ATXN7: variants seen among roughly 807,000 people sequenced by gnomAD.
The protein encoded by ATXN7 is ataxin 7, also known as ataxin-7.
A neutral mutation model predicts 70.5 loss-of-function variants in ATXN7; 12 were observed. The ratio of observed to expected loss-of-function variants is 0.17; its 90% confidence interval spans 0.11 to 0.28. ATXN7 has a LOEUF of 0.28. Among genes scored for constraint, ATXN7 ranks in the 10% least tolerant of loss-of-function variants. The pLI is 1.00. For synonymous variants in ATXN7, 498 were observed against 448.7 expected (o/e 1.11, Z -1.39); for missense variants, 1,256 against 1,131.7 (o/e 1.11, Z -1.58).
rs961389257 is a variant in ATXN7, at chr3:64,001,878, C to T, written c.*2411C>T. 1.3e-5 allele frequency: 2 copies of T among 151,802 alleles called. No homozygotes were observed. The highest frequency in any genetic ancestry group is 4.8e-5 in the African/African-American group (2 of 41,314). 9.4% of individuals were successfully genotyped at this position (151,802 alleles called of 1,614,324 possible). A position where few individuals can be genotyped will look rare whatever the true frequency, so the allele number is the denominator to read the frequency against. ...TATTTTTTTGAATTAAATTAACTTG[C>T]AAAAACCAAATTTGCAGTGGTTGGG... is the stretch of plus-strand genomic sequence containing the variant. On this transcript the variant is annotated 3_prime_UTR_variant, in exon 13 of 13. Coordinates refer to ENST00000674280, the MANE Select transcript of ATXN7 (RefSeq NM_001377405.1).
chr3:63,965,396 T>G (rs913924554), intron 5 of ATXN7, among the ~76,000 whole-genome samples: 1 of 152,140 alleles, frequency 6.6e-6, no homozygotes, highest in African/African-American at 2.4e-5. Context: ...AAACCTTGAG[T>G]GTTCCTCCTA....
At chr3:63,987,706 A>G (rs868672789) in intron 8 of ATXN7, among the ~76,000 whole-genome samples, 8 of 152,188 alleles carry the variant, frequency 5.3e-5, no homozygotes, top group Non-Finnish European at 7.3e-5. Flanking sequence ...TGGAGTCAAT[A>G]AGAGCCCCCA....
chr3:63,995,904 T>A lies in ATXN7; in HGVS notation c.2082T>A (p.Asn694Lys). 6.2e-7 allele frequency: 1 copy of A among 1,614,214 alleles called. No individual in the cohort carries two copies. Among genetic ancestry groups the A allele is most frequent in the South Asian group, 1.1e-5 (1 of 91,088 alleles). Residue 694 changes from asparagine to lysine, a missense_variant, in exon 12 of 13, where the codon AAT becomes AAA. By Grantham distance (94) the Asn-to-Lys change is moderately conservative (BLOSUM62 0). Transcript: ENST00000674280. ...CTGGTAACAGCACTAACTGTCAAAA[T>A]GCCAGTAGCAGTACCAGTGGCGGCT... ...ESSGNSTNCQ[N>K]ASSSTSGGSG...
chr3:63,998,885 G>C (rs1443346697), intron 12 of ATXN7: 1 of 188,364 alleles, frequency 5.3e-6, no homozygotes, highest in South Asian at 1.8e-4. Flanking sequence ...CTAAACAAGG[G>C]GATGAAGAGT....
chr3:63,897,463 C>T (rs1393084915), intron 1 of ATXN7, among the ~76,000 whole-genome samples: 1 of 152,164 alleles, frequency 6.6e-6, no homozygotes. Flanking sequence ...ATTTCAGCCA[C>T]TGATTTTCAG....
intron 2 of ATXN7, among the ~76,000 whole-genome samples, chr3:63,908,285 C>T (rs1194800736): frequency 1.3e-5 from 2 of 152,180 alleles, no homozygotes; most frequent in African/African-American, 4.8e-5. Context: ...CTGTAAGGTA[C>T]TTCACTAGAG....
chr3:63,979,826 G>C, intron 5 of ATXN7, 89 bp from the exon 6 acceptor site: 4 of 1,564,972 alleles, frequency 2.6e-6, no homozygotes, highest in Non-Finnish European at 2.6e-6. Context: ...GTTTTAACCT[G>C]AATATATTGA....
rs542950586 is a variant in ATXN7, at chr3:63,864,134, C to T, written c.-135C>T. 4.3e-3 allele frequency among the ~76,000 whole-genome samples: 643 copies of T among 149,172 alleles called. 4 individuals carry two copies. The highest frequency in any genetic ancestry group is 0.015 in the African/African-American group (613 of 41,112). ...CGCCCGGCCCACGCCCAGAGGCCGCCCCGGAGGCCGCAGCCAGCCGCCAGG... is the reference window on the plus strand; with the variant it reads ...CGCCCGGCCCACGCCCAGAGGCCGCTCCGGAGGCCGCAGCCAGCCGCCAGG... On this transcript the variant is annotated 5_prime_UTR_variant, in exon 1 of 13. Transcript: ENST00000674280.
intron 1 of ATXN7, among the ~76,000 whole-genome samples, chr3:63,870,535 T>C (rs962541896): frequency 1.3e-5 from 2 of 152,254 alleles, no homozygotes; most frequent in Non-Finnish European, 2.9e-5. Flanking sequence ...ATTAGTCATA[T>C]TGTGTGGCCG....
Position 63,999,779 on chromosome 3 carries a change from C to T in ATXN7, c.*312C>T. On this transcript the variant is annotated 3_prime_UTR_variant, in exon 13 of 13. Coordinates refer to ENST00000674280, the MANE Select transcript of ATXN7 (RefSeq NM_001377405.1). ...TGTTTTTGTTTTGTTTTTTAACTTG[C>T]AGTATATCACAGAGCCACTCTTCAA... 1 of 530,400 alleles carries T rather than the reference C, an allele frequency of 1.9e-6. No homozygotes were observed. The highest frequency in any genetic ancestry group is 3.4e-6 in the Non-Finnish European group (1 of 295,358). The allele number at this position is 530,400 out of a possible 1,614,324, so 32.9% of individuals were successfully genotyped here.
At chr3:63,873,060 AT>A (rs1702643401) in intron 1 of ATXN7, among the ~76,000 whole-genome samples, 1 of 152,060 alleles carries the variant, frequency 6.6e-6, no homozygotes, top group African/African-American at 2.4e-5. Context: ...AAATCTCAAA[AT>A]CCATTATCTT....
intron 1 of ATXN7, among the ~76,000 whole-genome samples, chr3:63,865,867 C>T (rs796699434): frequency 8.0e-6 from 1 of 124,564 alleles, no homozygotes; most frequent in East Asian, 2.5e-4. Context: ...TGCACTCCAG[C>T]CTGGGCGACA....
chr3:63,885,670 C>G (rs1703064817), intron 1 of ATXN7, among the ~76,000 whole-genome samples: 1 of 152,046 alleles, frequency 6.6e-6, no homozygotes, highest in Non-Finnish European at 1.5e-5. Context: ...TTCACAATAG[C>G]CAAGATATGG....
At chr3:63,908,417 C>T (rs1703911536) in intron 2 of ATXN7, among the ~76,000 whole-genome samples, 2 of 152,316 alleles carry the variant, frequency 1.3e-5, no homozygotes, top group African/African-American at 2.4e-5. Context: ...AACAAAGGCT[C>T]AGCCAATTTT....
intron 4 of ATXN7, among the ~76,000 whole-genome samples, chr3:63,945,087 C>T (rs1420597216): frequency 1.3e-5 from 2 of 152,128 alleles, no homozygotes; most frequent in Non-Finnish European, 2.9e-5. Flanking sequence ...CCACCGCACC[C>T]AACCTGTGTT....
intron 4 of ATXN7, among the ~76,000 whole-genome samples, chr3:63,926,875 C>T (rs969203309): frequency 6.6e-6 from 1 of 152,072 alleles, no homozygotes. Flanking sequence ...TCCATGTGTT[C>T]TCATTGTTCA....
chr3:63,899,686 T>A (rs572684995), intron 2 of ATXN7, among the ~76,000 whole-genome samples: 121 of 152,138 alleles, frequency 8.0e-4, no homozygotes, highest in African/African-American at 2.8e-3. Context: ...CCATCTCGGC[T>A]CACTGCAAGC....
chr3:63,983,082 C>CCA, intron 8 of ATXN7, 61 bp downstream of exon 8: 2 of 1,245,976 alleles, frequency 1.6e-6, no homozygotes, highest in Non-Finnish European at 2.4e-6. Context: ...CTGGGATGTA[C>CCA]CACACTACTC....
chr3:63,924,991 A>AGT (rs1206341840), intron 4 of ATXN7, among the ~76,000 whole-genome samples: 4 of 152,218 alleles, frequency 2.6e-5, no homozygotes, highest in African/African-American at 9.6e-5. Context: ...GATAATCACA[A>AGT]GTATAGTACC....
Sources: allele counts gnomAD v4.1 joint callset (sites outside exome capture counted in the v4.1 genomes callset), GRCh38; gene constraint gnomAD v4.1.1; transcripts MANE v1.5; gene names NCBI Gene and HGNC (gene_info 2026-07-23, HGNC 2026-07-21).